The following EFCAB6 variants were observed in gnomAD, a reference collection of about 807,000 sequenced individuals.
EFCAB6 encodes EF-hand calcium binding domain 6.
EFCAB6 carries 156 observed loss-of-function variants against 169.8 expected under a neutral mutation model. That is an observed-to-expected ratio of 0.92 (90% CI 0.81 to 1.05). The LOEUF is 1.05. EFCAB6 is among the 50% of genes least tolerant of loss of function. The pLI is 0.00. For synonymous variants in EFCAB6, 698 were observed against 676.4 expected (o/e 1.03, Z -0.50); for missense variants, 1,800 against 1,829.1 (o/e 0.98, Z 0.29).
At chr22:43,630,025 A>G (rs1343695811) in intron 19 of EFCAB6, among the ~76,000 whole-genome samples, 1 of 152,172 alleles carries the variant, frequency 6.6e-6, no homozygotes, top group Non-Finnish European at 1.5e-5. Context: ...GAGGCCAGGG[A>G]CAGTGGCTCA....
chr22:43,668,902 T>C lies in EFCAB6; in HGVS notation c.1784A>G (p.Asp595Gly), dbSNP rs1024822145. ...DQLLSEHLQK[D>G]EQQQPDLSER... ...AGAAAGATCTGGCTGCTGCTGTTCA[T>C]CTTTTTGTAAATGTTCACTTAACAG... Residue 595 changes from aspartate (D) to glycine (G), a missense_variant, in exon 16 of 32, where the codon GAT (aspartate) becomes GGT (glycine). Asp to Gly is a moderately conservative substitution (Grantham distance 94, BLOSUM62 -1). Transcript: ENST00000262726. 6.2e-7 allele frequency: 1 copy of C among 1,608,338 alleles called. No individual in the cohort carries two copies. The highest frequency in any genetic ancestry group is 8.5e-7 in the Non-Finnish European group (1 of 1,177,508).
At chr22:43,709,143 G>A (rs2059066820) in intron 10 of EFCAB6, among the ~76,000 whole-genome samples, 1 of 152,098 alleles carries the variant, frequency 6.6e-6, no homozygotes, top group Non-Finnish European at 1.5e-5. Context: ...GTGCAGTGGT[G>A]CAATCTTAGC....
intron 3 of EFCAB6, among the ~76,000 whole-genome samples, chr22:43,780,857 C>T (rs886545376): frequency 6.6e-6 from 1 of 152,134 alleles, no homozygotes; most frequent in Admixed American, 6.5e-5. Flanking sequence ...ACTGGGATGG[C>T]TTCACCCAAT....
intron 6 of EFCAB6, among the ~76,000 whole-genome samples, chr22:43,747,413 G>A (rs1427135430): frequency 6.6e-6 from 1 of 152,166 alleles, no homozygotes; most frequent in African/African-American, 2.4e-5. Context: ...GCCGGCTCTG[G>A]GGGACCAAAT....
chr22:43,684,749 C>T (rs2058125857), intron 11 of EFCAB6, among the ~76,000 whole-genome samples: 1 of 152,132 alleles, frequency 6.6e-6, no homozygotes, highest in African/African-American at 2.4e-5. Context: ...CTTGTTAGAA[C>T]CTTCTTTTTC....
At chr22:43,627,671 G>A (rs781412056) in intron 19 of EFCAB6, among the ~76,000 whole-genome samples, 3 of 152,056 alleles carry the variant, frequency 2.0e-5, no homozygotes, top group Non-Finnish European at 2.9e-5. Flanking sequence ...GCCCCAACCC[G>A]CCTCGTTCCA....
rs12628456 is a variant in EFCAB6 at position 43,664,641 on chromosome 22, G to A, written c.1983+2463C>T. The stretch of plus-strand genomic sequence containing the variant: ...GGGGAGAGCCATGCAGTTACCCAAG[G>A]AGCCGCGATCTTGGCAGAGGGCATG... On this transcript the variant is annotated intron_variant, in intron 17 of 31. Coordinates refer to ENST00000262726, the MANE Select transcript of EFCAB6 (RefSeq NM_022785.4). Among the ~76,000 whole-genome samples the A allele has an allele frequency of 3.3e-4, 51 of 152,344 alleles. No individual in the cohort carries two copies. In the East Asian group the frequency reaches 8.3e-3, roughly 25 times the overall value.
intron 2 of EFCAB6, among the ~76,000 whole-genome samples, chr22:43,790,009 C>T (rs2062225826): frequency 6.6e-6 from 1 of 152,140 alleles, no homozygotes; most frequent in South Asian, 2.1e-4. Context: ...TTCTGAAGTC[C>T]TCAATTTGAA....
chr22:43,773,089 T>C lies in EFCAB6; in HGVS notation c.154A>G (p.Asn52Asp), dbSNP rs775570799. The C allele has an allele frequency of 1.2e-6, 2 of 1,614,192 alleles. No individual in the cohort carries two copies. The highest frequency in any genetic ancestry group is 3.3e-5 in the Admixed American group (2 of 60,026). The change falls in exon 4 of 32, where the codon AAT (asparagine) becomes GAT (aspartate). Residue 52 changes from asparagine (N) to aspartate (D), a missense_variant. By Grantham distance (23) the Asn-to-Asp change is conservative (BLOSUM62 1). Transcript: ENST00000262726. Reference sequence around the variant, plus strand: ...ACATCTAAGGAGGACAGTGTTGGATTTGCAACAGCTGTGGCTATAAAAGAG... The same window carrying C: ...ACATCTAAGGAGGACAGTGTTGGATCTGCAACAGCTGTGGCTATAAAAGAG... ...FRSSSTTAVANPTLSSLDVKR... is the reference protein window; with the variant it reads ...FRSSSTTAVADPTLSSLDVKR...
intron 25 of EFCAB6, among the ~76,000 whole-genome samples, chr22:43,579,492 A>T (rs569943822): frequency 6.7e-6 from 1 of 149,824 alleles, no homozygotes; most frequent in Admixed American, 6.6e-5. Context: ...ACATGTAGGC[A>T]TCATTGCTTA....
intron 10 of EFCAB6, among the ~76,000 whole-genome samples, chr22:43,697,820 G>A (rs749572911): frequency 2.6e-5 from 4 of 152,076 alleles, no homozygotes; most frequent in Non-Finnish European, 4.4e-5. Flanking sequence ...GTGACTTCAC[G>A]TACAGAGAGG....
chr22:43,545,836 G>A (rs1602171403), intron 27 of EFCAB6, among the ~76,000 whole-genome samples: 1 of 152,166 alleles, frequency 6.6e-6, no homozygotes, highest in African/African-American at 2.4e-5. Flanking sequence ...CTTGGAAGAA[G>A]CAAACCCTAA....
At chr22:43,553,866 G>T (rs1450765427) in intron 27 of EFCAB6, 1 of 152,694 alleles carries the variant, frequency 6.5e-6, no homozygotes, top group Non-Finnish European at 1.5e-5. Context: ...TCCTTCTGGG[G>T]ATTCTGTGAT....
chr22:43,706,853 G>T (rs1252916018), intron 10 of EFCAB6, among the ~76,000 whole-genome samples: 3 of 152,320 alleles, frequency 2.0e-5, no homozygotes, highest in East Asian at 3.9e-4. Context: ...ATTAAAGGAG[G>T]CCTTTGGCAA....
At chr22:43,689,472 G>A (rs2058328018) in intron 10 of EFCAB6, among the ~76,000 whole-genome samples, 1 of 152,048 alleles carries the variant, frequency 6.6e-6, no homozygotes, top group African/African-American at 2.4e-5. Flanking sequence ...AGATTCCCAG[G>A]GGCTGAGAAG....
chr22:43,646,117 A>G (rs1173409006), intron 17 of EFCAB6, among the ~76,000 whole-genome samples: 1 of 152,192 alleles, frequency 6.6e-6, no homozygotes. Context: ...TTCAGAGGAG[A>G]CTGTGCTCAA....
chr22:43,654,827 G>A (rs183503341), intron 17 of EFCAB6, among the ~76,000 whole-genome samples: 25 of 152,278 alleles, frequency 1.6e-4, no homozygotes, highest in Non-Finnish European at 5.9e-5. Flanking sequence ...ACAAAAGGGA[G>A]GTCTTTAGGC....
intron 29 of EFCAB6, 71 bp from the exon 30 acceptor site, chr22:43,534,943 C>T (rs2147010956): frequency 6.7e-7 from 1 of 1,502,546 alleles, no homozygotes; most frequent in Non-Finnish European, 9.0e-7. Context: ...ATTCATTCAA[C>T]ACTTGCTGAG....
At chr22:43,752,231 T>C (rs192527423) in intron 6 of EFCAB6, among the ~76,000 whole-genome samples, 1 of 151,684 alleles carries the variant, frequency 6.6e-6, no homozygotes, top group East Asian at 2.0e-4. Context: ...GATTCTCCTG[T>C]CTCAGCCTCC....
Sources: gnomAD v4.1 joint callset for allele counts (sites outside exome capture counted in the v4.1 genomes callset) on GRCh38, gnomAD v4.1.1 for gene constraint, MANE v1.5 for transcripts, NCBI Gene and HGNC (gene_info 2026-07-23, HGNC 2026-07-21) for gene names.